BEND3: variants seen among roughly 807,000 people sequenced by gnomAD.
The protein encoded by BEND3 is BEN domain containing 3.
Under a neutral mutation model 60.1 loss-of-function variants are expected in BEND3, and 13 were observed. The ratio of observed to expected loss-of-function variants is 0.22; its 90% CI spans 0.14 to 0.34. The LOEUF (loss-of-function observed/expected upper bound fraction) is 0.34, where lower values mean the gene tolerates loss of function less well. Ranked by LOEUF, BEND3 falls within the 10% of genes least tolerant of loss-of-function variation. The probability of loss-of-function intolerance (pLI) is 1.00; values close to 1 mark genes in which losing one functional copy is unlikely to be tolerated. For synonymous variants in BEND3, 497 were observed against 491.5 expected, an observed-to-expected ratio of 1.01 and a Z score of -0.15; for missense variants, 896 against 1,138.1, an observed-to-expected ratio of 0.79 and a Z score of 3.06.
At chr6:107,071,892 T>C (rs1554232134) in intron 3 of BEND3, among the ~76,000 whole-genome samples, 1 of 152,122 alleles carries the variant, frequency 6.6e-6, no homozygotes, top group East Asian at 1.9e-4. Context: ...ACACAGAGAA[T>C]GAAATGGAGA....
At chr6:107,101,622 A>G (rs1562314676) in intron 1 of BEND3, among the ~76,000 whole-genome samples, 1 of 152,230 alleles carries the variant, frequency 6.6e-6, no homozygotes, top group Admixed American at 6.5e-5. Flanking sequence ...AAAACAAATA[A>G]TAAGTCAACT....
intron 1 of BEND3, among the ~76,000 whole-genome samples, chr6:107,113,049 T>C (rs1245981190): frequency 1.3e-5 from 2 of 151,922 alleles, no homozygotes; most frequent in Non-Finnish European, 2.9e-5. Context: ...TCCCAGCTAC[T>C]CGGGAGGCTG....
intron 1 of BEND3, among the ~76,000 whole-genome samples, chr6:107,103,249 G>A (rs143544908): frequency 6.6e-6 from 1 of 152,338 alleles, no homozygotes; most frequent in Non-Finnish European, 1.5e-5. Context: ...TGGGCAGAAA[G>A]GGGATGGGGA....
In BEND3 at chr6:107,069,754, C is replaced by T. The variant is rs782447705; in HGVS notation, c.1437G>A (p.Glu479=). The part of the protein sequence containing the change: ...LQQCAQRIND[E]LEGLGLDAGS... ...CCGCGTCCAGCCCCAGGCCCTCGAG[C>T]TCGTCGTTGATGCGCTGGGCACACT... The change falls in exon 4 of 4, where the codon GAG becomes GAA. Residue 479 remains glutamate (E), a synonymous_variant. Coordinates refer to ENST00000369042, the MANE Select transcript of BEND3 (RefSeq NM_001367314.1). The T allele has an allele frequency of 1.2e-6, 2 of 1,612,602 alleles. No homozygotes were observed. The highest frequency in any genetic ancestry group is 8.5e-7 in the Non-Finnish European group (1 of 1,180,020).
intron 3 of BEND3, among the ~76,000 whole-genome samples, chr6:107,093,957 G>A (rs967103583): frequency 9.2e-5 from 14 of 152,200 alleles, no homozygotes; most frequent in African/African-American, 3.4e-4. Context: ...CAAGCCACAG[G>A]CTGGGAGAAA....
At chr6:107,083,143 T>G (rs1431270962) in intron 3 of BEND3, among the ~76,000 whole-genome samples, 6 of 152,180 alleles carry the variant, frequency 3.9e-5, no homozygotes, top group Admixed American at 2.6e-4. Flanking sequence ...ACTAACTGTC[T>G]TGTAGCTTTC....
intron 1 of BEND3, among the ~76,000 whole-genome samples, chr6:107,112,183 A>G (rs372340627): frequency 6.6e-6 from 1 of 152,088 alleles, no homozygotes; most frequent in Non-Finnish European, 1.5e-5. Context: ...TTTCCTTCTC[A>G]TTGTTTCCAG....
At chr6:107,098,995 T>TG (rs1418955988) in intron 2 of BEND3, among the ~76,000 whole-genome samples, 1 of 152,118 alleles carries the variant, frequency 6.6e-6, no homozygotes, top group Admixed American at 6.6e-5. Flanking sequence ...CATCTTTTTT[T>TG]GGGGGGGAAG....
At chr6:107,109,743 G>A (rs1269674480) in intron 1 of BEND3, among the ~76,000 whole-genome samples, 5 of 151,924 alleles carry the variant, frequency 3.3e-5, no homozygotes, top group South Asian at 2.1e-4. Context: ...GCGTAGTGGC[G>A]GACACCTGAA....
At position 107,096,964 on chromosome 6, in the gene BEND3, G is replaced by A. The variant is rs577153990; in HGVS notation, c.240+1587C>T. ...TGCGCCACTGCATTCCAGCCTGGGC[G>A]ACAGAGCGAGACCCTGTCTCAGACA... On this transcript the variant is annotated intron_variant, in intron 3 of 3. Transcript: ENST00000369042. 6.0e-5 allele frequency among the ~76,000 whole-genome samples: 9 copies of A among 150,862 alleles called. No individual in the cohort carries two copies. In the South Asian group the frequency reaches 8.5e-4, roughly 14 times the overall value.
At chr6:107,086,802 G>A (rs1024995730) in intron 3 of BEND3, among the ~76,000 whole-genome samples, 3 of 151,782 alleles carry the variant, frequency 2.0e-5, no homozygotes, top group African/African-American at 7.3e-5. Context: ...CGAGGTGGGC[G>A]GATCACAAGG....
chr6:107,113,161 A>G (rs1215828453), intron 1 of BEND3, among the ~76,000 whole-genome samples: 4 of 149,354 alleles, frequency 2.7e-5, no homozygotes, highest in Admixed American at 2.7e-4. Context: ...TGTCTAAAAA[A>G]AAAAAGCACG....
At chr6:107,107,923 TC>T (rs1210507423) in intron 1 of BEND3, among the ~76,000 whole-genome samples, 1 of 152,172 alleles carries the variant, frequency 6.6e-6, no homozygotes, top group Non-Finnish European at 1.5e-5. Flanking sequence ...GGAGGAATGT[TC>T]CCATGCCATC....
chr6:107,087,029 A>T (rs1171321930), intron 3 of BEND3, among the ~76,000 whole-genome samples: 1 of 150,558 alleles, frequency 6.6e-6, no homozygotes, highest in Admixed American at 6.6e-5. Flanking sequence ...TGTCTAAAAA[A>T]AAAAAAAAAA....
chr6:107,071,053 A>G (rs1401700616), intron 3 of BEND3, 103 bp from the exon 4 acceptor site: 1 of 1,132,902 alleles, frequency 8.8e-7, no homozygotes, highest in Non-Finnish European at 1.2e-6. Context: ...CAACCTTGGG[A>G]GCATGTAAGA....
At chr6:107,080,971 T>C (rs1554233460) in intron 3 of BEND3, among the ~76,000 whole-genome samples, 1 of 152,176 alleles carries the variant, frequency 6.6e-6, no homozygotes, top group African/African-American at 2.4e-5. Context: ...AATTTATTTT[T>C]TATTTTTTGG....
intron 3 of BEND3, among the ~76,000 whole-genome samples, chr6:107,075,697 T>G (rs951136620): frequency 3.9e-5 from 6 of 152,202 alleles, no homozygotes; most frequent in Non-Finnish European, 8.8e-5. Flanking sequence ...TTAGCACATT[T>G]AAAATAGAAT....
chr6:107,106,093 T>C (rs1256176383), intron 1 of BEND3: 1 of 152,236 alleles, frequency 6.6e-6, no homozygotes, highest in Non-Finnish European at 1.5e-5. Context: ...CTTTTCACAA[T>C]TGCCATATGT....
intron 1 of BEND3, among the ~76,000 whole-genome samples, chr6:107,113,458 A>AAAAAAC (rs1770169097): frequency 6.8e-6 from 1 of 147,638 alleles, no homozygotes; most frequent in African/African-American, 2.6e-5. Flanking sequence ...AAAAAACAAA[A>AAAAAAC]AAAAAACTCA....
Sources: gnomAD v4.1 joint callset for allele counts (sites outside exome capture counted in the v4.1 genomes callset) on GRCh38, gnomAD v4.1.1 for gene constraint, MANE v1.5 for transcripts, NCBI Gene and HGNC (gene_info 2026-07-23, HGNC 2026-07-21) for gene names.